Variants in RNF216 observed in about 807,000 individuals in gnomAD.
RNF216 encodes the protein ring finger protein 216.
RNF216 carries 72 observed loss-of-function variants against 110.8 expected under a neutral mutation model. That is an observed-to-expected ratio of 0.65 (90% confidence interval 0.54 to 0.79). The LOEUF is 0.79. Ranked by LOEUF, RNF216 falls within the 30% of genes least tolerant of loss-of-function variation. The probability of loss-of-function intolerance (pLI) is 0.00; values close to 1 mark genes in which losing one functional copy is unlikely to be tolerated. For synonymous variants in RNF216, 495 were observed against 407.5 expected, an observed-to-expected ratio of 1.21 and a Z score of -2.59; for missense variants, 1,342 against 1,141.2, an observed-to-expected ratio of 1.18 and a Z score of -2.54.
intron 2 of RNF216, among the ~76,000 whole-genome samples, chr7:5,755,486 G>A (rs761129937): frequency 6.6e-6 from 1 of 152,136 alleles, no homozygotes; most frequent in African/African-American, 2.4e-5. Flanking sequence ...TAGCACATTA[G>A]TAGCCCCCTT....
intron 7 of RNF216, among the ~76,000 whole-genome samples, chr7:5,726,005 A>G (rs1289208569): frequency 6.6e-6 from 1 of 152,282 alleles, no homozygotes; most frequent in East Asian, 1.9e-4. Context: ...GGCTGGGTGC[A>G]GTGGCTCACA....
In RNF216 at chr7:5,656,564, G is replaced by T. The variant is rs542177113; in HGVS notation, c.2062-4054C>A. Among the ~76,000 whole-genome samples the T allele has an allele frequency of 2.0e-5, 3 of 152,142 alleles. No individual in the cohort carries two copies. In the South Asian group the frequency reaches 6.2e-4, roughly 32 times the overall value. On this transcript the variant is annotated intron_variant, in intron 13 of 16. Transcript: ENST00000389902. ...AGGCAAGCAGCTCCCGCCCTCTCAG[G>T]GGGGAAGGAGCATGCATGCTGGGTA...
intron 1 of RNF216, chr7:5,777,476 G>C (rs887015491): frequency 1.3e-5 from 2 of 152,240 alleles, no homozygotes; most frequent in Non-Finnish European, 1.5e-5. Flanking sequence ...GGAAACAAGA[G>C]CCAACAGTAC....
chr7:5,715,093 A>G lies in RNF216; in HGVS notation c.1793T>C (p.Leu598Pro). The G allele has an allele frequency of 6.2e-7, 1 of 1,613,928 alleles. No homozygotes were observed. The highest frequency in any genetic ancestry group is 8.5e-7 in the Non-Finnish European group (1 of 1,179,992). ...ADAHLFCKEC[L>P]IRYAQEAVFG... is the part of the protein sequence containing the mutation. ...GACTGCCTCTTGGGCATATCTGATG[A>G]GACACTCTTTGCAGAACAAGTGAGC... The change falls in exon 11 of 17, where the codon CTC becomes CCC. Residue 598 changes from leucine to proline, a missense_variant. Physicochemically the swap from Leu to Pro is moderately conservative, Grantham distance 98 (BLOSUM62 -3). Coordinates refer to ENST00000389902, the MANE Select transcript of RNF216 (RefSeq NM_207111.4).
At chr7:5,706,527 A>C (rs1584484209) in intron 13 of RNF216, among the ~76,000 whole-genome samples, 1 of 152,334 alleles carries the variant, frequency 6.6e-6, no homozygotes, top group Non-Finnish European at 1.5e-5. Flanking sequence ...AATGTCCCTC[A>C]AGGTGGTTTA....
chr7:5,656,187 T>A (rs1226477194), intron 13 of RNF216, among the ~76,000 whole-genome samples: 1 of 152,152 alleles, frequency 6.6e-6, no homozygotes, highest in Non-Finnish European at 1.5e-5. Flanking sequence ...GAGAATTGCT[T>A]GAACCCAGGA....
intron 13 of RNF216, among the ~76,000 whole-genome samples, chr7:5,705,976 G>A (rs1045205777): frequency 1.3e-5 from 2 of 149,800 alleles, no homozygotes; most frequent in African/African-American, 5.0e-5. Flanking sequence ...ACACCACTCT[G>A]GGAGGCCGAA....
At chr7:5,649,158 G>T (rs1343765913) in intron 14 of RNF216, among the ~76,000 whole-genome samples, 2 of 152,066 alleles carry the variant, frequency 1.3e-5, no homozygotes, top group East Asian at 3.9e-4. Flanking sequence ...GAGGTGGGGG[G>T]ATCACTTGAG....
Position 5,715,202 on chromosome 7 carries a change from C to A in RNF216, c.1696-12G>T. Reference sequence around the variant, plus strand: ...ATCAGCTGGCCATCCTGCAGGCAGTCAAGAAACACACATGAAATGTCCTGC... The same window carrying A: ...ATCAGCTGGCCATCCTGCAGGCAGTAAAGAAACACACATGAAATGTCCTGC... On this transcript the variant is annotated splice_polypyrimidine_tract_variant and intron_variant, in intron 10 of 16. Transcript: ENST00000389902. 4 of 1,611,076 alleles carry A rather than the reference C, an allele frequency of 2.5e-6. No individual in the cohort carries two copies. The highest frequency in any genetic ancestry group is 1.1e-5 in the South Asian group (1 of 90,882).
intron 8 of RNF216, among the ~76,000 whole-genome samples, chr7:5,724,148 T>C (rs1446478644): frequency 2.0e-5 from 3 of 152,158 alleles, no homozygotes; most frequent in Non-Finnish European, 2.9e-5. Flanking sequence ...GCAGACCTCA[T>C]GTGGAGTATG....
intron 13 of RNF216, among the ~76,000 whole-genome samples, chr7:5,676,059 G>A (rs1790269842): frequency 6.6e-6 from 1 of 151,612 alleles, no homozygotes; most frequent in African/African-American, 2.4e-5. Context: ...CTGTTGCCCA[G>A]GCTAGAGTGC....
At position 5,757,955 on chromosome 7, in the gene RNF216, G is replaced by T. The variant is rs555014980; in HGVS notation, c.67+3048C>A. On this transcript the variant is annotated intron_variant, in intron 2 of 16. Transcript: ENST00000389902. ...GGATCACTTGAGCCCAGCAGTTCAA[G>T]ACCAGCCTTGCCAGGCAACATAGTG... 3.7e-4 allele frequency among the ~76,000 whole-genome samples: 56 copies of T among 152,186 alleles called. No homozygotes were observed. The South Asian group carries it at 4.1e-3, about 11-fold the overall frequency.
intron 3 of RNF216, among the ~76,000 whole-genome samples, chr7:5,745,618 G>C (rs2128657775): frequency 6.6e-6 from 1 of 152,158 alleles, no homozygotes; most frequent in Admixed American, 6.5e-5. Flanking sequence ...AAGCAACAAG[G>C]GCAGGGCACG....
At chr7:5,648,981 G>C (rs1309732283) in intron 14 of RNF216, among the ~76,000 whole-genome samples, 1 of 152,146 alleles carries the variant, frequency 6.6e-6, no homozygotes, top group Non-Finnish European at 1.5e-5. Context: ...TTTTGTTAGT[G>C]GTCATAAAGG....
intron 3 of RNF216, among the ~76,000 whole-genome samples, chr7:5,748,654 AC>A (rs1562458541): frequency 1.4e-5 from 2 of 146,984 alleles, no homozygotes; most frequent in Admixed American, 1.4e-4. Flanking sequence ...ACACACACAC[AC>A]ACATAATATA....
chr7:5,770,237 G>A (rs1007924111), intron 1 of RNF216, among the ~76,000 whole-genome samples: 13 of 151,682 alleles, frequency 8.6e-5, no homozygotes, highest in Non-Finnish European at 1.2e-4. Context: ...CAAGGTGGGC[G>A]GATCGCCTGA....
chr7:5,651,229 CTTTTTT>C (rs955863686), intron 14 of RNF216, among the ~76,000 whole-genome samples: 1 of 144,590 alleles, frequency 6.9e-6, no homozygotes, highest in African/African-American at 2.5e-5. Context: ...ACAATCTTCT[CTTTTTT>C]TTTTTTGAGT....
intron 3 of RNF216, among the ~76,000 whole-genome samples, chr7:5,749,889 CTTCT>C (rs747319191): frequency 2.1e-4 from 32 of 152,246 alleles, no homozygotes; most frequent in Middle Eastern, 3.4e-3. Flanking sequence ...GTTTTTATGG[CTTCT>C]TTATTTGAAA....
chr7:5,779,146 G>C (rs976261623), intron 1 of RNF216, among the ~76,000 whole-genome samples: 1 of 152,162 alleles, frequency 6.6e-6, no homozygotes, highest in Non-Finnish European at 1.5e-5. Context: ...CTAGAATTTT[G>C]TAAACACATT....
Sources: gnomAD v4.1 joint callset for allele counts (sites outside exome capture counted in the v4.1 genomes callset) on GRCh38, gnomAD v4.1.1 for gene constraint, MANE v1.5 for transcripts, NCBI Gene and HGNC (gene_info 2026-07-23, HGNC 2026-07-21) for gene names.